The following DCC variants were observed in gnomAD, a reference collection of about 807,000 sequenced individuals.
The protein encoded by DCC is DCC netrin 1 receptor, also known as netrin receptor DCC.
A neutral mutation model predicts 172.5 loss-of-function variants in DCC; 58 were observed. The ratio of observed to expected loss-of-function variants is 0.34; its 90% CI spans 0.27 to 0.42. DCC has a LOEUF of 0.42. DCC is among the 10% of genes least tolerant of loss of function. The pLI is 1.00. For missense variants in DCC, 1,740 were observed against 1,791.0 expected, an observed-to-expected ratio of 0.97 and a Z score of 0.51; for synonymous variants, 709 against 644.5, an observed-to-expected ratio of 1.10 and a Z score of -1.52.
intron 1 of DCC, among the ~76,000 whole-genome samples, chr18:52,518,389 G>A (rs2031705406): frequency 6.6e-6 from 1 of 152,134 alleles, no homozygotes; most frequent in Non-Finnish European, 1.5e-5. Flanking sequence ...GAAGAGTAGT[G>A]GTTCAAAGCA....
At chr18:53,250,627 TCTC>T (rs370303181) in intron 12 of DCC, among the ~76,000 whole-genome samples, 5,152 of 63,300 alleles carry the variant, frequency 0.081, 304 homozygotes, top group African/African-American at 0.2. Flanking sequence ...CTGTGTTCCA[TCTC>T]CTACAGATTT....
intron 22 of DCC, among the ~76,000 whole-genome samples, chr18:53,449,804 G>T (rs2045384683): frequency 6.6e-6 from 1 of 152,076 alleles, no homozygotes; most frequent in Non-Finnish European, 1.5e-5. Flanking sequence ...GCGGTGTTCA[G>T]TGTATTCATA....
chr18:53,090,774 A>G (rs1237780260), intron 7 of DCC, among the ~76,000 whole-genome samples: 1 of 148,062 alleles, frequency 6.8e-6, no homozygotes, highest in East Asian at 2.0e-4. Flanking sequence ...TATCCTAAGC[A>G]GTTCAATTGA....
At chr18:52,687,091 A>T (rs1026445253) in intron 1 of DCC, among the ~76,000 whole-genome samples, 3 of 151,746 alleles carry the variant, frequency 2.0e-5, no homozygotes, top group Admixed American at 1.3e-4. Context: ...ACATCTCCTG[A>T]CCCTCCCCCA....
chr18:53,247,049 A>T (rs2056373545), intron 12 of DCC, among the ~76,000 whole-genome samples: 1 of 152,048 alleles, frequency 6.6e-6, no homozygotes, highest in Admixed American at 6.6e-5. Flanking sequence ...ATCTGGGAAG[A>T]CTCAGAGAAT....
intron 1 of DCC, among the ~76,000 whole-genome samples, chr18:52,634,016 T>C (rs1419750600): frequency 6.6e-6 from 1 of 152,224 alleles, no homozygotes; most frequent in African/African-American, 2.4e-5. Context: ...TTGCCAGACA[T>C]GACATTCAGG....
At chr18:52,982,489 T>A (rs746151435) in intron 5 of DCC, among the ~76,000 whole-genome samples, 40 of 152,140 alleles carry the variant, frequency 2.6e-4, no homozygotes, top group Non-Finnish European at 2.6e-4. Flanking sequence ...TCCTTATGTC[T>A]CCTGCTTAGG....
intron 27 of DCC, among the ~76,000 whole-genome samples, chr18:53,500,736 G>A (rs1307479830): frequency 1.3e-5 from 2 of 151,842 alleles, no homozygotes; most frequent in Non-Finnish European, 2.9e-5. Context: ...GATTCCATTG[G>A]TTGGGACGCA....
intron 2 of DCC, among the ~76,000 whole-genome samples, chr18:52,875,654 C>A (rs140591255): frequency 8.0e-4 from 122 of 152,304 alleles, no homozygotes; most frequent in African/African-American, 2.8e-3. Context: ...GTAAAGAATT[C>A]ATAACAATGC....
intron 1 of DCC, among the ~76,000 whole-genome samples, chr18:52,496,484 CT>C (rs940205652): frequency 1.3e-5 from 2 of 152,098 alleles, no homozygotes; most frequent in Non-Finnish European, 2.9e-5. Flanking sequence ...CCAGGTTTTA[CT>C]TTTTGGTGAA....
intron 21 of DCC, among the ~76,000 whole-genome samples, chr18:53,419,255 G>T (rs527608891): frequency 5.9e-5 from 9 of 152,170 alleles, no homozygotes; most frequent in African/African-American, 2.2e-4. Context: ...GGAGAATGGG[G>T]TATCCATCCC....
intron 23 of DCC, among the ~76,000 whole-genome samples, chr18:53,451,440 T>C (rs1176934781): frequency 6.6e-6 from 1 of 152,228 alleles, no homozygotes; most frequent in Non-Finnish European, 1.5e-5. Flanking sequence ...AGCCATTCTC[T>C]GCCTCTTTGA....
At chr18:53,090,479 G>A (rs949628698) in intron 7 of DCC, among the ~76,000 whole-genome samples, 2 of 151,432 alleles carry the variant, frequency 1.3e-5, no homozygotes, top group Non-Finnish European at 2.9e-5. Flanking sequence ...GGATCACGAG[G>A]TCAGGAGATT....
At chr18:52,932,275 G>T (rs1393937107) in intron 5 of DCC, among the ~76,000 whole-genome samples, 1 of 152,046 alleles carries the variant, frequency 6.6e-6, no homozygotes, top group Non-Finnish European at 1.5e-5. Flanking sequence ...ATCCTTTTCT[G>T]TATCTGCCCA....
In DCC at chr18:52,537,105, C is replaced by G. The variant is rs184988204; in HGVS notation, c.91+196227C>G. Among the ~76,000 whole-genome samples, 786 of 152,218 alleles carry G rather than the reference C, an allele frequency of 5.2e-3. 26 individuals carry two copies. Among genetic ancestry groups the G allele is most frequent in the Admixed American group, 0.048 (740 of 15,292 alleles). ...AGTTTAATTGTGAACTCTGATTTTT[C>G]TTCATCTGTTTGATGATGAAAGTTC... On this transcript the variant is annotated intron_variant, in intron 1 of 28. Coordinates refer to ENST00000442544, the MANE Select transcript of DCC (RefSeq NM_005215.4).
At chr18:53,190,087 C>T (rs570852778) in intron 9 of DCC, among the ~76,000 whole-genome samples, 2 of 152,130 alleles carry the variant, frequency 1.3e-5, no homozygotes, top group Admixed American at 6.5e-5. Flanking sequence ...CCACCACGCC[C>T]GGCTAATTTT....
chr18:53,493,154 T>C (rs2045978283), intron 26 of DCC, among the ~76,000 whole-genome samples: 1 of 152,206 alleles, frequency 6.6e-6, no homozygotes, highest in South Asian at 2.1e-4. Context: ...GGAATGCTTG[T>C]GATTTTTGCA....
intron 1 of DCC, among the ~76,000 whole-genome samples, chr18:52,461,264 A>G (rs1174273240): frequency 2.6e-5 from 4 of 152,144 alleles, no homozygotes; most frequent in Non-Finnish European, 5.9e-5. Context: ...ATGTCTTCCC[A>G]TTGGAAGGTC....
At chr18:52,685,101 T>C (rs78270787) in intron 1 of DCC, among the ~76,000 whole-genome samples, 3,703 of 152,228 alleles carry the variant, frequency 0.024, 63 homozygotes, top group Middle Eastern at 0.037. Context: ...TAATATTGTC[T>C]GTATGTTCCA....
Sources: gnomAD v4.1 joint callset for allele counts (sites outside exome capture counted in the v4.1 genomes callset) on GRCh38, gnomAD v4.1.1 for gene constraint, MANE v1.5 for transcripts, NCBI Gene and HGNC (gene_info 2026-07-23, HGNC 2026-07-21) for gene names.